The following ELOVL6 variants were observed in gnomAD, a reference collection of about 807,000 sequenced individuals.
The protein encoded by ELOVL6 is ELOVL fatty acid elongase 6.
ELOVL6 carries 8 observed loss-of-function variants against 31.7 expected under a neutral mutation model. The ratio of observed to expected loss-of-function variants is 0.25; its 90% CI spans 0.15 to 0.45. The LOEUF is 0.45. Ranked by LOEUF, ELOVL6 falls within the 20% of genes least tolerant of loss-of-function variation. ELOVL6 has a pLI of 1.00. For missense variants in ELOVL6, 126 were observed against 326.4 expected (o/e 0.39, Z 4.73); for synonymous variants, 101 against 117.7 (o/e 0.86, Z 0.92).
intron 2 of ELOVL6, among the ~76,000 whole-genome samples, chr4:110,089,496 A>T (rs1756360108): frequency 6.6e-6 from 1 of 152,146 alleles, no homozygotes; most frequent in African/African-American, 2.4e-5. Context: ...CTGAGGGATG[A>T]CTGTACATAC....
intron 1 of ELOVL6, among the ~76,000 whole-genome samples, chr4:110,171,036 C>G (rs1202145636): frequency 6.6e-6 from 1 of 152,098 alleles, no homozygotes. Context: ...TGCCCCTTAC[C>G]CTGGAGGAAG....
intron 2 of ELOVL6, among the ~76,000 whole-genome samples, chr4:110,078,208 G>C (rs928892427): frequency 1.3e-5 from 2 of 152,146 alleles, no homozygotes; most frequent in Admixed American, 6.5e-5. Flanking sequence ...AGCAAGGCAG[G>C]ACAACATTCA....
chr4:110,189,592 CAAAAAA>C (rs761765202), intron 1 of ELOVL6, among the ~76,000 whole-genome samples: 9 of 75,352 alleles, frequency 1.2e-4, no homozygotes, highest in South Asian at 1.3e-3. Flanking sequence ...GACTCTGTCT[CAAAAAA>C]AAAAAAAAAA....
chr4:110,124,299 C>G (rs1285900298), intron 1 of ELOVL6, among the ~76,000 whole-genome samples: 1 of 152,088 alleles, frequency 6.6e-6, no homozygotes, highest in East Asian at 1.9e-4. Flanking sequence ...AAACATGAAA[C>G]CAACCCAAAT....
chr4:110,078,446 A>G (rs1350644882), intron 2 of ELOVL6, among the ~76,000 whole-genome samples: 1 of 152,186 alleles, frequency 6.6e-6, no homozygotes, highest in Non-Finnish European at 1.5e-5. Context: ...AACATTCTTA[A>G]AGAAAAGAAT....
intron 1 of ELOVL6, chr4:110,197,961 G>C: frequency 2.1e-6 from 1 of 472,138 alleles, no homozygotes; most frequent in Non-Finnish European, 3.8e-6. Context: ...CTTCCCTGTC[G>C]CGCAGACATC....
intron 1 of ELOVL6, among the ~76,000 whole-genome samples, chr4:110,137,004 G>T (rs1486624907): frequency 6.6e-6 from 1 of 152,106 alleles, no homozygotes; most frequent in East Asian, 1.9e-4. Context: ...AGGGTGCCAT[G>T]GTAATACTAC....
At chr4:110,102,928 C>CG (rs1006708158) in intron 2 of ELOVL6, among the ~76,000 whole-genome samples, 6 of 1,914 alleles carry the variant, frequency 3.1e-3, no homozygotes, top group Non-Finnish European at 5.5e-3. Context: ...GGATGGGGGA[C>CG]GGGGGGCGGG....
At chr4:110,163,801 T>G (rs1480994657) in intron 1 of ELOVL6, among the ~76,000 whole-genome samples, 2 of 152,196 alleles carry the variant, frequency 1.3e-5, no homozygotes, top group African/African-American at 2.4e-5. Context: ...AGTGGTTTAA[T>G]TTGCCAGGGT....
At chr4:110,100,817 A>G (rs1756720236) in intron 2 of ELOVL6, among the ~76,000 whole-genome samples, 2 of 152,238 alleles carry the variant, frequency 1.3e-5, no homozygotes, top group African/African-American at 4.8e-5. Context: ...CCCTTGGGCC[A>G]TCACCTCATT....
In ELOVL6 at chr4:110,135,449, A is replaced by G. The variant is rs1757785233; in HGVS notation, c.90-29821T>C. 3.9e-5 allele frequency among the ~76,000 whole-genome samples: 6 copies of G among 152,234 alleles called. No homozygotes were observed. The South Asian group carries it at 1.2e-3, about 32-fold the overall frequency. ...ACTTCAAAGCCAAAGTCAGCAACTT[A>G]GAAGGCAAAAATTATAATTTAGTTG... On this transcript the variant is annotated intron_variant, in intron 1 of 3. Coordinates refer to ENST00000302274, the MANE Select transcript of ELOVL6 (RefSeq NM_024090.3).
chr4:110,050,056 TG>T lies in ELOVL6; in HGVS notation c.*1281del, dbSNP rs1003469981. The T allele has an allele frequency of 1.6e-4, 25 of 152,574 alleles. No homozygotes were observed. The highest frequency in any genetic ancestry group is 5.8e-4 in the African/African-American group (24 of 41,528). The allele number at this position is 152,574 out of a possible 1,614,324, so 9.5% of individuals were successfully genotyped here. A position where few individuals can be genotyped will look rare whatever the true frequency, so the allele number is the denominator to read the frequency against. ...ACTTAAAATTTGAGGGATAAGTGTA[TG>T]GGGGCCCTTTGTTGTCAACTGTTTT... is the stretch of plus-strand genomic sequence containing the variant. On this transcript the variant is annotated 3_prime_UTR_variant, in exon 4 of 4. Coordinates refer to ENST00000302274, the MANE Select transcript of ELOVL6 (RefSeq NM_024090.3).
chr4:110,158,635 G>GTATATATATATATATATATATATATATA (rs780807092), intron 1 of ELOVL6, among the ~76,000 whole-genome samples: 3 of 81,570 alleles, frequency 3.7e-5, no homozygotes, highest in South Asian at 4.1e-4. Context: ...ATATACACGT[G>GTATATATATATATATATATATATATATA]TATATATATA....
intron 1 of ELOVL6, among the ~76,000 whole-genome samples, chr4:110,153,825 G>C (rs1425674749): frequency 6.6e-6 from 1 of 152,162 alleles, no homozygotes; most frequent in African/African-American, 2.4e-5. Flanking sequence ...GAAATAACTA[G>C]AAGTGGAATA....
At chr4:110,062,737 C>T (rs577659770) in intron 2 of ELOVL6, among the ~76,000 whole-genome samples, 1 of 152,306 alleles carries the variant, frequency 6.6e-6, no homozygotes, top group East Asian at 1.9e-4. Flanking sequence ...CCCTGGACCA[C>T]ACATTTAAGT....
In ELOVL6 at chr4:110,071,444, T is replaced by C. The variant is rs116984030; in HGVS notation, c.222-11690A>G. ...GTTTTTTTCTTTCCATGTTTAGTTA[T>C]TTTTACTGGAGCAAGTATGTGTATG... On this transcript the variant is annotated intron_variant, in intron 2 of 3. Transcript: ENST00000302274. Among the ~76,000 whole-genome samples, 11 of 152,320 alleles carry C rather than the reference T, an allele frequency of 7.2e-5. No homozygotes were observed. The East Asian group carries it at 2.1e-3, about 29-fold the overall frequency.
chr4:110,171,943 G>T (rs1305046430), intron 1 of ELOVL6, among the ~76,000 whole-genome samples: 2 of 151,996 alleles, frequency 1.3e-5, no homozygotes, highest in African/African-American at 4.8e-5. Flanking sequence ...TCCAGCCTTG[G>T]TCCCCACGGT....
At chr4:110,085,246 G>C (rs1756217546) in intron 2 of ELOVL6, among the ~76,000 whole-genome samples, 1 of 152,216 alleles carries the variant, frequency 6.6e-6, no homozygotes, top group African/African-American at 2.4e-5. Flanking sequence ...AGAGGGATGA[G>C]AGGCTGCTTC....
At chr4:110,188,754 T>C (rs1407013280) in intron 1 of ELOVL6, among the ~76,000 whole-genome samples, 1 of 151,732 alleles carries the variant, frequency 6.6e-6, no homozygotes, top group Non-Finnish European at 1.5e-5. Flanking sequence ...TAGCCAGGCA[T>C]GGTGGCGTAT....
Sources: allele counts gnomAD v4.1 joint callset (sites outside exome capture counted in the v4.1 genomes callset), GRCh38; gene constraint gnomAD v4.1.1; transcripts MANE v1.5; gene names NCBI Gene and HGNC (gene_info 2026-07-23, HGNC 2026-07-21).